Variants in WNK1 observed in about 807,000 individuals in gnomAD.
WNK1 encodes WNK lysine deficient protein kinase 1.
In WNK1, 38 loss-of-function variants were observed where a neutral mutation model predicts 222.8. The observed-to-expected ratio is 0.17, with a 90% CI of 0.13 to 0.22. WNK1 has a LOEUF of 0.22. WNK1 is among the 10% of genes least tolerant of loss of function. The probability of loss-of-function intolerance (pLI) is 1.00; values close to 1 mark genes in which losing one functional copy is unlikely to be tolerated. For synonymous variants in WNK1, 1,090 were observed against 1,092.9 expected, an observed-to-expected ratio of 1.00 and a Z score of 0.05; for missense variants, 2,348 against 2,918.4, an observed-to-expected ratio of 0.80 and a Z score of 4.50.
chr12:858,504 T>A (rs892033260), intron 5 of WNK1, among the ~76,000 whole-genome samples: 2 of 152,144 alleles, frequency 1.3e-5, no homozygotes, highest in African/African-American at 4.8e-5. Context: ...TCAACTCTTG[T>A]TGGAGCAGTT....
At chr12:815,379 C>G (rs1947261269) in intron 2 of WNK1, among the ~76,000 whole-genome samples, 1 of 152,174 alleles carries the variant, frequency 6.6e-6, no homozygotes, top group African/African-American at 2.4e-5. Context: ...TACAGTGTTA[C>G]AGCACCTGGA....
intron 1 of WNK1, among the ~76,000 whole-genome samples, chr12:793,554 T>TG (rs542592942): frequency 1.8e-4 from 27 of 152,282 alleles, no homozygotes; most frequent in Non-Finnish European, 1.9e-4. Flanking sequence ...AGATTCATAT[T>TG]GGGTGACGGT....
Position 882,022 on chromosome 12 carries a change from G to A in WNK1, c.3321G>A (p.Arg1107=). 1 of 1,614,078 alleles carries A rather than the reference G, an allele frequency of 6.2e-7. No individual in the cohort carries two copies. The highest frequency in any genetic ancestry group is 8.5e-7 in the Non-Finnish European group (1 of 1,180,008). ...AACGGCATTACCGAAAATCTGTAAGGAGTCGCTCTCGACATGAAAAAACTT... is the reference window on the plus strand; with the variant it reads ...AACGGCATTACCGAAAATCTGTAAGAAGTCGCTCTCGACATGAAAAAACTT... ...TTKRHYRKSV[R]SRSRHEKTSR... is the part of the protein sequence containing the mutation. The change falls in exon 14 of 28, where the codon AGG becomes AGA. Residue 1107 remains arginine, a synonymous_variant. Transcript: ENST00000315939.
chr12:909,065 G>A lies in WNK1; in HGVS notation c.*273G>A. On this transcript the variant is annotated 3_prime_UTR_variant, in exon 28 of 28. Coordinates refer to ENST00000315939, the MANE Select transcript of WNK1 (RefSeq NM_018979.4). The stretch of plus-strand genomic sequence containing the variant: ...TTCCTGTTTATCTATACTCAGTAAT[G>A]AGGATGAGGGCTAGGAAAGTCTTGT... 2.2e-6 allele frequency: 1 copy of A among 463,636 alleles called. No individual in the cohort carries two copies. Among genetic ancestry groups the A allele is most frequent in the South Asian group, 2.3e-5 (1 of 44,390 alleles). 28.7% of individuals were successfully genotyped at this position (463,636 alleles called of 1,614,324 possible). A position where few individuals can be genotyped will look rare whatever the true frequency, so the allele number is the denominator to read the frequency against.
intron 1 of WNK1, among the ~76,000 whole-genome samples, chr12:813,091 G>C (rs1010787452): frequency 6.6e-6 from 1 of 152,058 alleles, no homozygotes; most frequent in African/African-American, 2.4e-5. Flanking sequence ...AAAATTAGCC[G>C]GGCAAGGTGG....
At position 878,332 on chromosome 12, in the gene WNK1, G is replaced by A. The variant is rs763491786; in HGVS notation, c.2344G>A (p.Val782Ile). ...AGTGAGTCAGCCTCAAGCTCCACAA[G>A]TCTTGCCTCAAGTATCAGCTGGAAA... ...QPVSQPQAPQVLPQVSAGKQL... is the reference protein window; with the variant it reads ...QPVSQPQAPQILPQVSAGKQL... The change falls in exon 10 of 28, where the codon GTC (valine) becomes ATC (isoleucine). Residue 782 changes from valine to isoleucine, a missense_variant. Physicochemically the swap from Val to Ile is conservative, Grantham distance 29 (BLOSUM62 3). Around this residue, in one of 13 missense-constraint regions of WNK1, gnomAD observed 547 missense variants for 558.3 expected, o/e 0.98. Transcript: ENST00000315939. 1.2e-6 allele frequency: 2 copies of A among 1,613,292 alleles called. No individual in the cohort carries two copies. Among genetic ancestry groups the A allele is most frequent in the Admixed American group, 1.7e-5 (1 of 59,938 alleles).
Position 909,462 on chromosome 12 carries a change from T to C in WNK1, c.*670T>C, listed in dbSNP as rs1955944883. The C allele has an allele frequency of 6.6e-6, 1 of 152,352 alleles. No homozygotes were observed. Among genetic ancestry groups the C allele is most frequent in the African/African-American group, 2.4e-5 (1 of 41,438 alleles). The allele number at this position is 152,352 out of a possible 1,614,324, so 9.4% of individuals were successfully genotyped here. On this transcript the variant is annotated 3_prime_UTR_variant, in exon 28 of 28. Transcript: ENST00000315939. ...CATGTAACTTTGCCATCAGTTTTGA[T>C]GTGGAAACACTGTGATATATAAAAT...
At position 906,797 on chromosome 12, in the gene WNK1, T is replaced by G. The variant is rs1191452338; in HGVS notation, c.6644-1050T>G. 8.3e-6 allele frequency: 8 copies of G among 969,564 alleles called. No individual in the cohort carries two copies. In the South Asian group the frequency reaches 2.9e-4, roughly 35 times the overall value. 60.1% of individuals were successfully genotyped at this position (969,564 alleles called of 1,614,324 possible). A position where few individuals can be genotyped will look rare whatever the true frequency, so the allele number is the denominator to read the frequency against. On this transcript the variant is annotated intron_variant, in intron 26 of 27. Coordinates refer to ENST00000315939, the MANE Select transcript of WNK1 (RefSeq NM_018979.4). Reference sequence around the variant, plus strand: ...GCTCACACCTGTAATCCCAGCACTTTGGGAGGCTGACATGGCAGGATTGCC... The same window carrying G: ...GCTCACACCTGTAATCCCAGCACTTGGGGAGGCTGACATGGCAGGATTGCC...
chr12:838,958 T>C (rs1005622456), intron 4 of WNK1, among the ~76,000 whole-genome samples: 11 of 152,166 alleles, frequency 7.2e-5, no homozygotes, highest in Non-Finnish European at 1.5e-5. Flanking sequence ...TTCTAGATCC[T>C]AGATATTGAA....
At chr12:845,707 G>A (rs1949979290) in intron 4 of WNK1, among the ~76,000 whole-genome samples, 1 of 152,078 alleles carries the variant, frequency 6.6e-6, no homozygotes, top group Admixed American at 6.6e-5. Flanking sequence ...TACCTAATAG[G>A]TATCACCATT....
At chr12:888,679 C>G (rs938947982) in intron 20 of WNK1, among the ~76,000 whole-genome samples, 2 of 152,040 alleles carry the variant, frequency 1.3e-5, no homozygotes, top group African/African-American at 4.8e-5. Context: ...AAAATAATAC[C>G]CTGTGATAGT....
In WNK1 at chr12:753,639, C is replaced by T. The variant is rs1211154368; in HGVS notation, c.74C>T (p.Pro25Leu). The T allele has an allele frequency of 2.5e-6, 4 of 1,612,770 alleles. No individual in the cohort carries two copies. The highest frequency in any genetic ancestry group is 2.2e-5 in the South Asian group (2 of 91,078). The stretch of plus-strand genomic sequence containing the variant: ...TTCCTCTCGCCGCCGGCTCCTGCCC[C>T]CAAGAATGGCTCCAGCTCCGATTCC... ...SLFLSPPAPA[P>L]KNGSSSDSSV... Residue 25 changes from proline (P) to leucine (L), a missense_variant, in exon 1 of 28, where the codon CCC becomes CTC. Transcript: ENST00000315939. The surrounding 1 kb of genome is among the most constrained non-coding windows in gnomAD (Gnocchi z 5.2).
At chr12:754,731 G>C (rs1267850780) in intron 1 of WNK1, among the ~76,000 whole-genome samples, 1 of 152,172 alleles carries the variant, frequency 6.6e-6, no homozygotes, top group African/African-American at 2.4e-5. Flanking sequence ...TCATTCCTGA[G>C]ATCAGGCTGT....
chr12:807,626 T>C (rs867505107), intron 1 of WNK1, among the ~76,000 whole-genome samples: 1 of 151,938 alleles, frequency 6.6e-6, no homozygotes, highest in Non-Finnish European at 1.5e-5. Context: ...TTCAAAAAAC[T>C]TTGGGAACTG....
intron 22 of WNK1, among the ~76,000 whole-genome samples, chr12:893,823 A>AAATAATAATAATAATAATAAT (rs56048238): frequency 0.026 from 3,666 of 143,728 alleles, 108 homozygotes; most frequent in African/African-American, 0.064. Context: ...ACTCCATCTC[A>AAATAATAATAATAATAATAAT]AATAATAATA....
intron 5 of WNK1, among the ~76,000 whole-genome samples, chr12:858,049 A>G (rs1018170694): frequency 1.3e-5 from 2 of 152,188 alleles, no homozygotes; most frequent in African/African-American, 2.4e-5. Flanking sequence ...TTTTTATAAC[A>G]TCGTTATTTA....
intron 10 of WNK1, 96 bp from the exon 11 acceptor site, chr12:879,477 T>TTGGCTAA: frequency 2.2e-5 from 17 of 782,210 alleles, no homozygotes; most frequent in East Asian, 6.5e-5. Context: ...TTCCTTCTTT[T>TTGGCTAA]TGGCTAATAC....
intron 24 of WNK1, 33 bp downstream of exon 24, chr12:896,765 G>A (rs1162569440): frequency 6.2e-7 from 1 of 1,603,618 alleles, no homozygotes; most frequent in East Asian, 2.2e-5. Flanking sequence ...AAGAATGTCA[G>A]ATAAGGTTTT....
intron 4 of WNK1, among the ~76,000 whole-genome samples, chr12:836,509 G>T (rs756868389): frequency 3.3e-5 from 5 of 152,198 alleles, no homozygotes; most frequent in Admixed American, 6.5e-5. Context: ...TGCTACAAAA[G>T]ATTGGGAGGA....
Sources: gnomAD v4.1 joint callset for allele counts (sites outside exome capture counted in the v4.1 genomes callset) on GRCh38, gnomAD v4.1.1 for gene constraint, gnomAD v4.1.1 regional missense constraint, Gnocchi (gnomAD v3.1) non-coding constraint, MANE v1.5 for transcripts, NCBI Gene and HGNC (gene_info 2026-07-23, HGNC 2026-07-21) for gene names.